The following DCAF8L2 variants were observed in gnomAD, a reference collection of about 807,000 sequenced individuals.
DCAF8L2 encodes DDB1 and CUL4 associated factor 8 like 2.
For synonymous variants in DCAF8L2, 200 were observed against 190.9 expected, an observed-to-expected ratio of 1.05 and a Z score of -0.39; for missense variants, 430 against 490.7, an observed-to-expected ratio of 0.88 and a Z score of 1.17.
chrX:27,654,869 G>A (rs1048487260), intron 2 of DCAF8L2, among the ~76,000 whole-genome samples: 3 of 110,831 alleles, frequency 2.7e-5, no homozygotes, highest in African/African-American at 9.8e-5. Flanking sequence ...TCTTGTTAAC[G>A]TTTATTTTTT....
chrX:27,736,658 G>A (rs756311289), intron 4 of DCAF8L2, among the ~76,000 whole-genome samples: 1 of 111,852 alleles, frequency 8.9e-6, no homozygotes, highest in South Asian at 3.7e-4. Flanking sequence ...ATTATAAAAT[G>A]CAAATCCTAT....
intron 1 of DCAF8L2, among the ~76,000 whole-genome samples, chrX:27,629,430 C>T (rs1026738568): frequency 2.7e-5 from 3 of 110,340 alleles, no homozygotes; most frequent in Non-Finnish European, 3.8e-5. Context: ...TTTTCTTTCT[C>T]TCTCTCTTTC....
the DCAF8L2 span, among the ~76,000 whole-genome samples, chrX:27,534,142 T>G: frequency 1.9e-5 from 2 of 104,779 alleles, no homozygotes; most frequent in Non-Finnish European, 3.9e-5. Flanking sequence ...GCCCTGGAGG[T>G]GGAGGTTGCA....
intron 3 of DCAF8L2, among the ~76,000 whole-genome samples, chrX:27,708,375 G>A (rs1392542467): frequency 1.8e-5 from 2 of 111,517 alleles, no homozygotes; most frequent in African/African-American, 6.5e-5. Flanking sequence ...TATATACCAC[G>A]TTGTCTTTAT....
rs1000024479 is a variant in DCAF8L2, at chrX:27,591,292, A to T, written c.-342+852A>T. On this transcript the variant is annotated intron_variant, in intron 1 of 4. Transcript: ENST00000451261. ...TCCAGCAGGCTACAGAAAGTTTAGC[A>T]TAGCAGCTACCCAATCCCATAAATG... 4.5e-5 allele frequency among the ~76,000 whole-genome samples: 5 copies of T among 110,785 alleles called. No homozygotes were observed. In the East Asian group the frequency reaches 1.4e-3, roughly 32 times the overall value.
intron 2 of DCAF8L2, among the ~76,000 whole-genome samples, chrX:27,644,237 A>G (rs1043700570): frequency 1.8e-5 from 2 of 112,525 alleles, no homozygotes; most frequent in Non-Finnish European, 3.8e-5. Flanking sequence ...TACCACACAT[A>G]TACACATATA....
the DCAF8L2 span, among the ~76,000 whole-genome samples, chrX:27,508,896 T>C: frequency 1.8e-5 from 2 of 110,012 alleles, no homozygotes; most frequent in African/African-American, 6.6e-5. Flanking sequence ...CAATGAAGTG[T>C]AGGTGCTTAG....
chrX:27,674,364 CAAT>C (rs765464898), intron 2 of DCAF8L2, among the ~76,000 whole-genome samples: 4 of 110,891 alleles, frequency 3.6e-5, no homozygotes, highest in African/African-American at 1.3e-4. Flanking sequence ...TCATATTAGT[CAAT>C]AATATTAATT....
chrX:27,514,215 C>CATATGTACACA, the DCAF8L2 span, among the ~76,000 whole-genome samples: 32 of 74,137 alleles, frequency 4.3e-4, 2 homozygotes, highest in Middle Eastern at 7.2e-3. Context: ...TGTATGTGTG[C>CATATGTACACA]TATGTACCTA....
rs190503456 is a variant in DCAF8L2 at position 27,667,615 on chromosome X, G to T, written c.-219-10221G>T. ...AGCTTGAGCAAATCAAATTCTGGCT[G>T]ACTCAAATATGTTGTTAGTAAGCAG... On this transcript the variant is annotated intron_variant, in intron 2 of 4. Transcript: ENST00000451261. Among the ~76,000 whole-genome samples the T allele has an allele frequency of 1.1e-4, 12 of 111,490 alleles. No individual in the cohort carries two copies. In the East Asian group the frequency reaches 3.4e-3, roughly 32 times the overall value.
chrX:27,478,743 T>G, the DCAF8L2 span, among the ~76,000 whole-genome samples: 1 of 112,368 alleles, frequency 8.9e-6, no homozygotes, highest in Non-Finnish European at 1.9e-5. Flanking sequence ...TTACATTTTT[T>G]GTTTTCTGAT....
At chrX:27,472,577 G>A in the DCAF8L2 span, among the ~76,000 whole-genome samples, 4 of 110,779 alleles carry the variant, frequency 3.6e-5, no homozygotes, top group Non-Finnish European at 5.7e-5. Flanking sequence ...AGTGTGTGAT[G>A]TTCCCCTCCC....
the DCAF8L2 span, among the ~76,000 whole-genome samples, chrX:27,475,620 G>A: frequency 9.0e-6 from 1 of 111,243 alleles, no homozygotes; most frequent in African/African-American, 3.3e-5. Flanking sequence ...TGATGTGGCT[G>A]GAATAATAAT....
chrX:27,501,382 A>G, the DCAF8L2 span, among the ~76,000 whole-genome samples: 1 of 110,222 alleles, frequency 9.1e-6, no homozygotes, highest in South Asian at 3.9e-4. Flanking sequence ...TAGGGATAAC[A>G]CATACATGAG....
At chrX:27,530,352 C>A in the DCAF8L2 span, among the ~76,000 whole-genome samples, 17 of 110,653 alleles carry the variant, frequency 1.5e-4, no homozygotes, top group African/African-American at 3.0e-4. Flanking sequence ...ATACTCCCCC[C>A]CCAAACCCCG....
intron 3 of DCAF8L2, among the ~76,000 whole-genome samples, chrX:27,692,880 GT>G (rs1050576018): frequency 1.8e-5 from 2 of 110,862 alleles, no homozygotes; most frequent in African/African-American, 6.6e-5. Context: ...GCACTGGATA[GT>G]CCCCCATCAG....
At position 27,748,788 on chromosome X, in the gene DCAF8L2, C is replaced by T. The variant is rs1356518070; in HGVS notation, c.1893C>T (p.Ser631=). The change falls in exon 5 of 5, where the codon TCC becomes TCT. Residue 631 remains serine (S), a synonymous_variant. Transcript: ENST00000451261. ...EVQDRVQCMP[S] Reference sequence around the variant, plus strand: ...AAGACCGAGTGCAGTGCATGCCATCCTGAAGGCCTCATATCCAGTCCAGCT... The same window carrying T: ...AAGACCGAGTGCAGTGCATGCCATCTTGAAGGCCTCATATCCAGTCCAGCT... 1 of 1,194,193 alleles carries T rather than the reference C, an allele frequency of 8.4e-7. No individual in the cohort carries two copies. Among genetic ancestry groups the T allele is most frequent in the Non-Finnish European group, 1.1e-6 (1 of 884,635 alleles).
intron 3 of DCAF8L2, among the ~76,000 whole-genome samples, chrX:27,689,019 G>C (rs1930611790): frequency 8.9e-6 from 1 of 111,786 alleles, no homozygotes; most frequent in African/African-American, 3.3e-5. Flanking sequence ...CCTGGCATCA[G>C]AGGCCCCAGA....
intron 1 of DCAF8L2, among the ~76,000 whole-genome samples, chrX:27,615,459 CATAA>C (rs1205005710): frequency 9.1e-6 from 1 of 110,285 alleles, no homozygotes; most frequent in Non-Finnish European, 1.9e-5. Flanking sequence ...TGTCAGAAGC[CATAA>C]ATATTTTTGA....
Sources: allele counts gnomAD v4.1 joint callset (sites outside exome capture counted in the v4.1 genomes callset), GRCh38; gene constraint gnomAD v4.1.1; transcripts MANE v1.5; gene names NCBI Gene and HGNC (gene_info 2026-07-23, HGNC 2026-07-21).